The following TERB1 variants were observed in gnomAD, a reference collection of about 807,000 sequenced individuals.
TERB1 encodes the protein telomere repeat binding bouquet formation protein 1.
A neutral mutation model predicts 92.3 loss-of-function variants in TERB1; 63 were observed. The ratio of observed to expected loss-of-function variants is 0.68; its 90% CI spans 0.56 to 0.84. The LOEUF (loss-of-function observed/expected upper bound fraction) is 0.84. TERB1 is among the 40% of genes least tolerant of loss of function. TERB1 has a pLI of 0.00. For missense variants in TERB1, 709 were observed against 843.7 expected (o/e 0.84, Z 1.98); for synonymous variants, 252 against 283.9 (o/e 0.89, Z 1.13).
intron 16 of TERB1, among the ~76,000 whole-genome samples, chr16:66,767,198 G>T (rs943261330): frequency 1.3e-5 from 2 of 151,768 alleles, no homozygotes. Flanking sequence ...AATTAGCCAG[G>T]TGTGGTAGTG....
chr16:66,796,729 C>T, intron 3 of TERB1, 39 bp downstream of exon 3: 1 of 1,434,898 alleles, frequency 7.0e-7, no homozygotes, highest in Non-Finnish European at 9.6e-7. Context: ...CCTACCAATA[C>T]AAAACTCATT....
intron 9 of TERB1, among the ~76,000 whole-genome samples, chr16:66,782,098 T>C (rs1172216837): frequency 6.6e-6 from 1 of 152,210 alleles, no homozygotes; most frequent in African/African-American, 2.4e-5. Flanking sequence ...TGTATAAGGG[T>C]TCAGATTCAT....
At chr16:66,755,222 A>G (rs11075643) in intron 18 of TERB1, 59 bp from the exon 19 acceptor site, 364,528 of 1,037,482 alleles carry the variant, frequency 0.35, 67,911 homozygotes, top group East Asian at 0.61. Context: ...TGAGATGCAA[A>G]TAAGTGCTTA....
At chr16:66,761,124 A>T (rs1268135398) in intron 16 of TERB1, among the ~76,000 whole-genome samples, 1 of 142,596 alleles carries the variant, frequency 7.0e-6, no homozygotes. Context: ...AAAAAAAAAA[A>T]AAGAAAAGAA....
Position 66,772,753 on chromosome 16 carries a change from T to C in TERB1, c.1112-4A>G. ...AGACTTAGAGATAATTTCTCAGCTT[T>C]GTAGTATGGGAAAAAACAATGAATG... is the stretch of plus-strand genomic sequence containing the variant. On this transcript the variant is annotated splice_polypyrimidine_tract_variant and splice_region_variant and intron_variant, in intron 12 of 18. Transcript: ENST00000433154. 2 of 1,530,570 alleles carry C rather than the reference T, an allele frequency of 1.3e-6. No homozygotes were observed. The highest frequency in any genetic ancestry group is 1.4e-5 in the African/African-American group (1 of 71,882). The allele number at this position is 1,530,570 out of a possible 1,614,324, so 94.8% of individuals were successfully genotyped here.
chr16:66,777,032 A>C (rs2018560116), intron 11 of TERB1, among the ~76,000 whole-genome samples, 171 bp downstream of exon 11: 1 of 152,198 alleles, frequency 6.6e-6, no homozygotes, highest in Admixed American at 6.5e-5. Flanking sequence ...TGACTGACTT[A>C]ATACAATGAG....
At chr16:66,782,485 G>A (rs886288089) in intron 9 of TERB1, among the ~76,000 whole-genome samples, 1 of 151,750 alleles carries the variant, frequency 6.6e-6, no homozygotes, top group East Asian at 1.9e-4. Flanking sequence ...GGGAGGTGGA[G>A]GTTGTAGTGA....
rs184906238 is a variant in TERB1 at position 66,794,417 on chromosome 16, C to T, written c.31+2351G>A. ...GCCTGGTCTGCAAGAAACTTCTTTACGTATTCCTCCATTCCCTTCTGTATG... is the reference window on the plus strand; with the variant it reads ...GCCTGGTCTGCAAGAAACTTCTTTATGTATTCCTCCATTCCCTTCTGTATG... On this transcript the variant is annotated intron_variant, in intron 3 of 18. Coordinates refer to ENST00000433154, the MANE Select transcript of TERB1 (RefSeq NM_001136505.2). Among the ~76,000 whole-genome samples, 12 of 151,844 alleles carry T rather than the reference C, an allele frequency of 7.9e-5. No homozygotes were observed. The South Asian group carries it at 2.1e-3, about 27-fold the overall frequency.
At chr16:66,775,750 A>G (rs1311037915) in intron 11 of TERB1, among the ~76,000 whole-genome samples, 1 of 138,800 alleles carries the variant, frequency 7.2e-6, no homozygotes, top group Non-Finnish European at 1.5e-5. Flanking sequence ...TCGCTCTGTC[A>G]CCCTGACTGG....
At chr16:66,789,301 T>G (rs1412785641) in intron 5 of TERB1, among the ~76,000 whole-genome samples, 1 of 128,580 alleles carries the variant, frequency 7.8e-6, no homozygotes, top group Non-Finnish European at 1.6e-5. Context: ...AAAAAAAAAT[T>G]CGGCCGGGCG....
chr16:66,791,142 T>C (rs890612783), intron 3 of TERB1, 123 bp from the exon 4 acceptor site: 10 of 492,770 alleles, frequency 2.0e-5, no homozygotes, highest in African/African-American at 2.0e-4. Flanking sequence ...AGGCAGGTAT[T>C]ACTTTTATAA....
intron 2 of TERB1, among the ~76,000 whole-genome samples, chr16:66,798,182 CTTTTT>C (rs10653807): frequency 7.0e-6 from 1 of 143,040 alleles, no homozygotes; most frequent in Non-Finnish European, 1.5e-5. Context: ...TTATTTTTGC[CTTTTT>C]TTTTTTTTAA....
intron 16 of TERB1, among the ~76,000 whole-genome samples, chr16:66,765,920 G>T (rs577188935): frequency 8.2e-6 from 1 of 122,094 alleles, no homozygotes. Flanking sequence ...GCCGGACTGC[G>T]GACTGCAGTG....
intron 11 of TERB1, among the ~76,000 whole-genome samples, chr16:66,776,842 T>C (rs2018557209): frequency 6.6e-6 from 1 of 151,666 alleles, no homozygotes; most frequent in South Asian, 2.1e-4. Flanking sequence ...ATGTGCAGAG[T>C]GGGCTGAAAA....
intron 16 of TERB1, among the ~76,000 whole-genome samples, chr16:66,762,029 G>A (rs1023613850): frequency 6.6e-6 from 1 of 152,240 alleles, no homozygotes; most frequent in Non-Finnish European, 1.5e-5. Context: ...CGCCAGCCTG[G>A]CGACAGAGTG....
chr16:66,768,128 T>C lies in TERB1; in HGVS notation c.1660A>G (p.Ile554Val), dbSNP rs967913943. Residue 554 changes from isoleucine (I) to valine (V), a missense_variant, in exon 15 of 19, where the codon ATA becomes GTA. Ile to Val is a conservative substitution (Grantham distance 29). Transcript: ENST00000433154. Reference sequence around the variant, plus strand: ...CCTGTTACTGGTAACTGCTGCTTTATATTTTTGGCAATGTGAACTGGGTGT... The same window carrying C: ...CCTGTTACTGGTAACTGCTGCTTTACATTTTTGGCAATGTGAACTGGGTGT... Reference protein sequence around the residue: ...FKHPVHIAKNIKQQLPVTDPF... With the variant: ...FKHPVHIAKNVKQQLPVTDPF... 4 of 1,550,802 alleles carry C rather than the reference T, an allele frequency of 2.6e-6. No individual in the cohort carries two copies. The African/African-American group carries it at 4.1e-5, about 16-fold the overall frequency.
intron 9 of TERB1, among the ~76,000 whole-genome samples, chr16:66,779,794 C>T (rs962817764): frequency 2.0e-5 from 3 of 152,100 alleles, no homozygotes; most frequent in African/African-American, 4.8e-5. Context: ...GTAATTTAAC[C>T]GTTCTAAAAG....
chr16:66,755,502 C>T (rs1353943434), intron 18 of TERB1, among the ~76,000 whole-genome samples: 3 of 152,218 alleles, frequency 2.0e-5, no homozygotes, highest in Admixed American at 6.5e-5. Context: ...CGGCCAGGCA[C>T]GGTGACTTAT....
Position 66,759,168 on chromosome 16 carries a change from G to T in TERB1, c.1903C>A (p.Leu635Ile). 1 of 1,548,064 alleles carries T rather than the reference G, an allele frequency of 6.5e-7. No homozygotes were observed. ...TTGTTACAGATAAGTGATTTCCTTA[G>T]TTCACTTTTATATCTGTCTTCAGCT... ...VEAEDRYKSE[L>I]RKSLICNKKI... Residue 635 changes from leucine to isoleucine, a missense_variant, in exon 17 of 19, where the codon CTA (leucine) becomes ATA (isoleucine). Coordinates refer to ENST00000433154, the MANE Select transcript of TERB1 (RefSeq NM_001136505.2).
Sources: allele counts gnomAD v4.1 joint callset (sites outside exome capture counted in the v4.1 genomes callset), GRCh38; gene constraint gnomAD v4.1.1; transcripts MANE v1.5; gene names NCBI Gene and HGNC (gene_info 2026-07-23, HGNC 2026-07-21).